The following TOGARAM1 variants were observed in gnomAD, a reference collection of about 807,000 sequenced individuals.
The protein encoded by TOGARAM1 is TOG array regulator of axonemal microtubules 1.
TOGARAM1 carries 100 observed loss-of-function variants against 166.6 expected under a neutral mutation model. The observed-to-expected ratio is 0.60, with a 90% CI of 0.51 to 0.71. The LOEUF (loss-of-function observed/expected upper bound fraction) is 0.71. Among genes scored for constraint, TOGARAM1 ranks in the 30% least tolerant of loss-of-function variants. The pLI is 0.00. For synonymous variants in TOGARAM1, 758 were observed against 763.8 expected (o/e 0.99, Z 0.13); for missense variants, 2,029 against 2,102.7 (o/e 0.96, Z 0.69).
chr14:44,985,688 C>T (rs1038128945), intron 1 of TOGARAM1, among the ~76,000 whole-genome samples: 1 of 152,228 alleles, frequency 6.6e-6, no homozygotes, highest in Non-Finnish European at 1.5e-5. Context: ...GCCCGCCGCT[C>T]ACCTCCTGCT....
Position 45,038,145 on chromosome 14 carries a change from A to C in TOGARAM1, c.3813-5541A>C, listed in dbSNP as rs1881532766. ...TGGTTTCAAATACCTGGGCTCAAGC[A>C]ATCCATCCACCTCAGCCTTCCAAAG... is the stretch of plus-strand genomic sequence containing the variant. On this transcript the variant is annotated intron_variant, in intron 11 of 19. Coordinates refer to ENST00000361462, the MANE Select transcript of TOGARAM1 (RefSeq NM_001308120.2). Among the ~76,000 whole-genome samples, 3 of 152,222 alleles carry C rather than the reference A, an allele frequency of 2.0e-5. 1 individual carries two copies. In the South Asian group the frequency reaches 6.2e-4, roughly 31 times the overall value.
intron 18 of TOGARAM1, 62 bp from the exon 19 acceptor site, chr14:45,071,650 A>G (rs946220778): frequency 2.6e-6 from 3 of 1,149,166 alleles, no homozygotes; most frequent in East Asian, 2.4e-5. Flanking sequence ...ATGCTATGTA[A>G]TGGAAAGTAA....
chr14:45,023,708 G>A (rs999188111), intron 7 of TOGARAM1, among the ~76,000 whole-genome samples: 1 of 151,812 alleles, frequency 6.6e-6, no homozygotes, highest in Non-Finnish European at 1.5e-5. Flanking sequence ...GTGATTCTCT[G>A]TTTTCTACAG....
intron 7 of TOGARAM1, 138 bp downstream of exon 7, chr14:45,012,213 G>A (rs1879849438): frequency 1.9e-6 from 1 of 532,072 alleles, no homozygotes; most frequent in Non-Finnish European, 3.3e-6. Context: ...TCCTTAAAAG[G>A]TCCTTTTGAC....
chr14:44,989,415 A>G (rs1205869893), intron 1 of TOGARAM1, among the ~76,000 whole-genome samples: 4 of 152,132 alleles, frequency 2.6e-5, no homozygotes, highest in Non-Finnish European at 5.9e-5. Context: ...AATGTTATAA[A>G]TTTTGTTTCC....
At chr14:45,015,847 G>T (rs1880101131) in intron 7 of TOGARAM1, among the ~76,000 whole-genome samples, 1 of 152,082 alleles carries the variant, frequency 6.6e-6, no homozygotes, top group Admixed American at 6.5e-5. Context: ...CCTCATCAGT[G>T]AAGCCAGTAC....
chr14:45,051,447 T>C (rs1882360863), intron 14 of TOGARAM1, among the ~76,000 whole-genome samples: 1 of 151,328 alleles, frequency 6.6e-6, no homozygotes, highest in Non-Finnish European at 1.5e-5. Flanking sequence ...GACCTTGGGG[T>C]GCCTGAAAAA....
chr14:45,054,981 G>A (rs2138978869), intron 16 of TOGARAM1, among the ~76,000 whole-genome samples: 1 of 152,258 alleles, frequency 6.6e-6, no homozygotes, highest in South Asian at 2.1e-4. Flanking sequence ...TTGGGAGGCT[G>A]AGGCAGGCAG....
chr14:45,036,112 A>C (rs1354978604), intron 11 of TOGARAM1, among the ~76,000 whole-genome samples: 1 of 148,894 alleles, frequency 6.7e-6, no homozygotes, highest in Non-Finnish European at 1.5e-5. Flanking sequence ...CCTGAGCAAC[A>C]GAACAAGACC....
intron 7 of TOGARAM1, among the ~76,000 whole-genome samples, chr14:45,014,141 G>A (rs10145792): frequency 0.046 from 6,925 of 150,980 alleles, 510 homozygotes; most frequent in African/African-American, 0.16. Flanking sequence ...CGCCTCCCAG[G>A]TTCATGCCAT....
At chr14:45,017,038 G>C (rs1308184317) in intron 7 of TOGARAM1, among the ~76,000 whole-genome samples, 1 of 152,110 alleles carries the variant, frequency 6.6e-6, no homozygotes, top group African/African-American at 2.4e-5. Context: ...TAGGTCACTT[G>C]ATATTTCATC....
chr14:45,054,995 T>G (rs1381993517), intron 16 of TOGARAM1, among the ~76,000 whole-genome samples: 1 of 151,976 alleles, frequency 6.6e-6, no homozygotes, highest in Non-Finnish European at 1.5e-5. Flanking sequence ...CAGGCAGAAT[T>G]GTTTGAGCTC....
intron 7 of TOGARAM1, among the ~76,000 whole-genome samples, chr14:45,021,291 G>C (rs922797255): frequency 6.6e-6 from 1 of 151,792 alleles, no homozygotes; most frequent in Non-Finnish European, 1.5e-5. Context: ...CAGCAGTTGC[G>C]GGGCATATGG....
rs767851315 is a variant in TOGARAM1 at position 45,044,774 on chromosome 14, C to T, written c.4058C>T (p.Thr1353Ile). 8 of 1,613,926 alleles carry T rather than the reference C, an allele frequency of 5.0e-6. No individual in the cohort carries two copies. The highest frequency in any genetic ancestry group is 2.2e-5 in the East Asian group (1 of 44,874). ...TTGCACAAGGCTGGTGAATCAAATA[C>T]ATTTATAAGAGAAGATGTTGACAAA... ...VLLHKAGESN[T>I]FIREDVDKAL... Residue 1353 changes from threonine to isoleucine, a missense_variant, in exon 13 of 20, where the codon ACA becomes ATA. Physicochemically the swap from Thr to Ile is moderately conservative, Grantham distance 89 (BLOSUM62 -1). Transcript: ENST00000361462.
At chr14:44,992,094 A>AAAC (rs1887171119) in intron 1 of TOGARAM1, among the ~76,000 whole-genome samples, 1 of 149,452 alleles carries the variant, frequency 6.7e-6, no homozygotes, top group African/African-American at 2.4e-5. Context: ...AAAAAAAAAA[A>AAAC]AAAAAAACCA....
At chr14:44,990,214 C>T (rs948424259) in intron 1 of TOGARAM1, among the ~76,000 whole-genome samples, 3 of 152,258 alleles carry the variant, frequency 2.0e-5, no homozygotes, top group Non-Finnish European at 4.4e-5. Context: ...CCTGACTATA[C>T]TATCATCCAG....
chr14:45,058,009 C>A (rs1166876972), intron 16 of TOGARAM1, among the ~76,000 whole-genome samples: 1 of 152,144 alleles, frequency 6.6e-6, no homozygotes, highest in Middle Eastern at 3.2e-3. Flanking sequence ...TTTTCTGTCT[C>A]AATAATCTGC....
At chr14:45,047,500 T>C (rs983952579) in intron 14 of TOGARAM1, among the ~76,000 whole-genome samples, 5 of 152,156 alleles carry the variant, frequency 3.3e-5, no homozygotes, top group Admixed American at 3.3e-4. Flanking sequence ...CTGATGCTTT[T>C]ACTGGAAAAA....
intron 7 of TOGARAM1, among the ~76,000 whole-genome samples, chr14:45,024,693 G>A (rs914412696): frequency 6.6e-6 from 1 of 152,128 alleles, no homozygotes; most frequent in Admixed American, 6.5e-5. Flanking sequence ...CCGTGTTTCT[G>A]TTAGTTGATG....
Sources: allele counts gnomAD v4.1 joint callset (sites outside exome capture counted in the v4.1 genomes callset), GRCh38; gene constraint gnomAD v4.1.1; transcripts MANE v1.5; gene names NCBI Gene and HGNC (gene_info 2026-07-23, HGNC 2026-07-21).